The following FRAS1 variants were observed in gnomAD, a reference collection of about 807,000 sequenced individuals.
FRAS1 encodes extracellular matrix organizing protein FRAS1.
Under a neutral mutation model 435.2 loss-of-function variants are expected in FRAS1, and 290 were observed. The ratio of observed to expected loss-of-function variants is 0.67; its 90% confidence interval spans 0.61 to 0.73. FRAS1 has a LOEUF of 0.73. Among genes scored for constraint, FRAS1 ranks in the 30% least tolerant of loss-of-function variants. FRAS1 has a pLI of 0.00. For synonymous variants in FRAS1, 1,800 were observed against 1,851.0 expected (o/e 0.97, Z 0.71); for missense variants, 4,860 against 5,001.5 (o/e 0.97, Z 0.85).
intron 2 of FRAS1, among the ~76,000 whole-genome samples, chr4:78,117,032 A>T (rs1002166898): frequency 1.3e-5 from 2 of 152,216 alleles, no homozygotes; most frequent in Non-Finnish European, 2.9e-5. Context: ...CCTGGTGGCG[A>T]CAAAATCTCT....
At position 78,542,081 on chromosome 4, in the gene FRAS1, G is replaced by C. The variant is rs886059650; in HGVS notation, c.*957G>C. ...CTAGGTATGGTTTTTTATTCTGTTA[G>C]TGCTTCGGGAAAGTAAGTGATTCAT... On this transcript the variant is annotated 3_prime_UTR_variant, in exon 74 of 74. Transcript: ENST00000512123. 4 of 152,208 alleles carry C rather than the reference G, an allele frequency of 2.6e-5. No individual in the cohort carries two copies. The highest frequency in any genetic ancestry group is 2.6e-4 in the Admixed American group (4 of 15,284). The allele number at this position is 152,208 out of a possible 1,614,324, so 9.4% of individuals were successfully genotyped here.
intron 2 of FRAS1, among the ~76,000 whole-genome samples, chr4:78,142,081 A>G (rs1720212877): frequency 6.6e-6 from 1 of 152,094 alleles, no homozygotes; most frequent in Non-Finnish European, 1.5e-5. Context: ...AATCACCACT[A>G]AAGAACTTAC....
At chr4:78,339,000 A>T (rs1392013939) in intron 20 of FRAS1, among the ~76,000 whole-genome samples, 1 of 152,212 alleles carries the variant, frequency 6.6e-6, no homozygotes, top group Non-Finnish European at 1.5e-5. Context: ...CCAAGTGTAG[A>T]GACTGTGCAA....
In FRAS1 at chr4:78,429,039, CGT is replaced by C. The variant is rs1560721957; in HGVS notation, c.4712-53_4712-52del. On this transcript the variant is annotated intron_variant, in intron 35 of 73. Coordinates refer to ENST00000512123, the MANE Select transcript of FRAS1 (RefSeq NM_025074.7). Reference sequence around the variant, plus strand: ...ACAAGTTGATTCGTGTGTGTGTGTGCGTGTCTCTGTGTGTGTGTGTGTGTCTC... The same window carrying C: ...ACAAGTTGATTCGTGTGTGTGTGTGCGTCTCTGTGTGTGTGTGTGTGTCTC... The C allele has an allele frequency of 4.3e-6, 6 of 1,397,988 alleles. No individual in the cohort carries two copies. The African/African-American group carries it at 7.1e-5, about 16-fold the overall frequency. 86.6% of individuals were successfully genotyped at this position (1,397,988 alleles called of 1,614,324 possible).
intron 2 of FRAS1, among the ~76,000 whole-genome samples, chr4:78,168,002 T>G (rs1203917415): frequency 6.6e-6 from 1 of 152,086 alleles, no homozygotes; most frequent in East Asian, 1.9e-4. Context: ...GCAATTCTCC[T>G]AATTTTTGTG....
intron 2 of FRAS1, among the ~76,000 whole-genome samples, chr4:78,166,795 T>A (rs1388646284): frequency 6.6e-6 from 1 of 152,112 alleles, no homozygotes; most frequent in East Asian, 1.9e-4. Flanking sequence ...TAATGGACTG[T>A]GAGAAAAAAA....
chr4:78,508,587 C>A, intron 62 of FRAS1, 144 bp from the exon 63 acceptor site: 2 of 804,528 alleles, frequency 2.5e-6, no homozygotes, highest in Non-Finnish European at 3.9e-6. Context: ...GGATGCCTGG[C>A]AAAGAATTAT....
At chr4:78,365,306 CA>C (rs1425756333) in intron 22 of FRAS1, among the ~76,000 whole-genome samples, 1 of 152,070 alleles carries the variant, frequency 6.6e-6, no homozygotes, top group African/African-American at 2.4e-5. Flanking sequence ...GCTTTTGTAA[CA>C]AAAACCTTGC....
chr4:78,534,645 G>A (rs765339581), intron 71 of FRAS1, 30 bp downstream of exon 71: 14 of 1,603,246 alleles, frequency 8.7e-6, no homozygotes, highest in South Asian at 2.2e-5. Context: ...TGCAGAAAGA[G>A]GCTCTGCCTG....
intron 26 of FRAS1, 157 bp from the exon 27 acceptor site, chr4:78,379,569 C>A: frequency 2.8e-6 from 2 of 712,034 alleles, no homozygotes; most frequent in South Asian, 2.0e-5. Context: ...AACTCCAGCA[C>A]ACTGTTTATG....
intron 67 of FRAS1, 97 bp downstream of exon 67, chr4:78,519,578 C>T (rs1721324875): frequency 5.0e-6 from 7 of 1,390,764 alleles, no homozygotes; most frequent in Non-Finnish European, 6.9e-6. Flanking sequence ...CTGCATTTCT[C>T]ATCCTGTTAT....
chr4:78,384,025 T>C (rs756397097), intron 27 of FRAS1, 34 bp from the exon 28 acceptor site: 7 of 1,457,792 alleles, frequency 4.8e-6, no homozygotes, highest in South Asian at 1.2e-5. Context: ...GTAATGATTG[T>C]ATTTTCTTAT....
In FRAS1 at chr4:78,094,771, C is replaced by T. The variant is rs371715133; in HGVS notation, c.108+28755C>T. On this transcript the variant is annotated intron_variant, in intron 2 of 73. Transcript: ENST00000512123. ...TCAGTATAAAGTACCATTAGTAGTACTTTATACCTTAGAGCCATATGATCT... is the reference window on the plus strand; with the variant it reads ...TCAGTATAAAGTACCATTAGTAGTATTTTATACCTTAGAGCCATATGATCT... Among the ~76,000 whole-genome samples, 3 of 152,184 alleles carry T rather than the reference C, an allele frequency of 2.0e-5. No individual in the cohort carries two copies. The East Asian group carries it at 5.8e-4, about 29-fold the overall frequency.
At position 78,459,684 on chromosome 4, in the gene FRAS1, G is replaced by A. The variant is rs79912388; in HGVS notation, c.6764-4337G>A. Among the ~76,000 whole-genome samples, 5 of 152,316 alleles carry A rather than the reference G, an allele frequency of 3.3e-5. No homozygotes were observed. In the East Asian group the frequency reaches 9.6e-4, roughly 29 times the overall value. ...ATTAAAAAGTTACACAGAATATGCA[G>A]TTTAAACAACAGAAATCTATTGCCA... On this transcript the variant is annotated intron_variant, in intron 47 of 73. Coordinates refer to ENST00000512123, the MANE Select transcript of FRAS1 (RefSeq NM_025074.7).
intron 22 of FRAS1, 88 bp from the exon 23 acceptor site, chr4:78,369,750 T>C: frequency 8.1e-7 from 1 of 1,236,182 alleles, no homozygotes; most frequent in South Asian, 1.8e-5. Context: ...CAAGGCTTTG[T>C]TCCTATGCAA....
chr4:78,380,326 A>G (rs1473299915), intron 27 of FRAS1, among the ~76,000 whole-genome samples: 1 of 127,076 alleles, frequency 7.9e-6, no homozygotes, highest in South Asian at 2.3e-4. Flanking sequence ...TGCTTCTTCA[A>G]CATTGGGGCA....
Position 78,400,807 on chromosome 4 carries a change from A to G in FRAS1, c.4049A>G (p.Asn1350Ser), listed in dbSNP as rs188019995. Reference protein sequence around the residue: ...VPEGGMLQITNRILQAEAPGA... With the variant: ...VPEGGMLQITSRILQAEAPGA... ...GAAGGGGGGATGCTGCAGATCACCA[A>G]CAGAATCTTACAGGCCGAGGCTCCT... Residue 1350 changes from asparagine (N) to serine (S), a missense_variant, in exon 30 of 74, where the codon AAC becomes AGC. Asn to Ser is a conservative substitution (Grantham distance 46). Coordinates refer to ENST00000512123, the MANE Select transcript of FRAS1 (RefSeq NM_025074.7). The G allele has an allele frequency of 1.2e-6, 2 of 1,613,790 alleles. No individual in the cohort carries two copies. The highest frequency in any genetic ancestry group is 4.5e-5 in the East Asian group (2 of 44,870).
intron 35 of FRAS1, among the ~76,000 whole-genome samples, chr4:78,425,773 C>T (rs1027011634): frequency 1.3e-5 from 2 of 151,962 alleles, no homozygotes; most frequent in African/African-American, 4.8e-5. Context: ...CTATTTAATT[C>T]TTATAACAAT....
chr4:78,133,944 A>T, intron 2 of FRAS1, among the ~76,000 whole-genome samples: 1 of 149,886 alleles, frequency 6.7e-6, no homozygotes, highest in East Asian at 2.0e-4. Flanking sequence ...GGGAGCTGAG[A>T]TGGACTAGGT....
Sources: gnomAD v4.1 joint callset for allele counts (sites outside exome capture counted in the v4.1 genomes callset) on GRCh38, gnomAD v4.1.1 for gene constraint, MANE v1.5 for transcripts, NCBI Gene and HGNC (gene_info 2026-07-23, HGNC 2026-07-21) for gene names.